The following LCP1 variants were observed in gnomAD, a reference collection of about 807,000 sequenced individuals.
The protein encoded by LCP1 is plastin-2.
LCP1 carries 23 observed loss-of-function variants against 72.0 expected under a neutral mutation model. The ratio of observed to expected loss-of-function variants is 0.32; its 90% confidence interval spans 0.23 to 0.45. The LOEUF is 0.45. LCP1 is among the 20% of genes least tolerant of loss of function. The pLI, the probability that LCP1 is intolerant of heterozygous loss-of-function variation, is 1.00. For synonymous variants in LCP1, 245 were observed against 275.4 expected (o/e 0.89, Z 1.09); for missense variants, 571 against 748.3 (o/e 0.76, Z 2.76).
chr13:46,165,807 C>A (rs1566444815), intron 1 of LCP1, among the ~76,000 whole-genome samples: 1 of 152,166 alleles, frequency 6.6e-6, no homozygotes, highest in Non-Finnish European at 1.5e-5. Flanking sequence ...ACAACTCATT[C>A]ATCAAGGTCA....
rs530437514 is a variant in LCP1, at chr13:46,169,252, A to G, written c.-24-9566T>C. ...TAAGAACAATCCCCCAAGATTTCAA[A>G]TGTCTTACGAATATAATTTCATGTA... On this transcript the variant is annotated intron_variant, in intron 1 of 15. Coordinates refer to ENST00000323076, the MANE Select transcript of LCP1 (RefSeq NM_002298.5). 2.0e-5 allele frequency among the ~76,000 whole-genome samples: 3 copies of G among 152,332 alleles called. No individual in the cohort carries two copies. The South Asian group carries it at 6.2e-4, about 32-fold the overall frequency.
At chr13:46,148,582 A>ATT (rs1566438520) in intron 8 of LCP1, 135 bp from the exon 9 acceptor site, 38 of 647,614 alleles carry the variant, frequency 5.9e-5, no homozygotes, top group African/African-American at 5.8e-4. Context: ...ACAAAGCTAG[A>ATT]AACATTCACT....
At position 46,127,397 on chromosome 13, in the gene LCP1, T is replaced by A; in HGVS notation, c.*194A>T. On this transcript the variant is annotated 3_prime_UTR_variant, in exon 16 of 16. Coordinates refer to ENST00000323076, the MANE Select transcript of LCP1 (RefSeq NM_002298.5). ...AGAATAGAAACCTATATATAGGAGG[T>A]TGGGCCTCCTGCAAAGAATGAAGCA... The A allele has an allele frequency of 1.8e-6, 1 of 564,038 alleles. No individual in the cohort carries two copies. Among genetic ancestry groups the A allele is most frequent in the South Asian group, 2.7e-5 (1 of 37,120 alleles). The allele number at this position is 564,038 out of a possible 1,614,324, so 34.9% of individuals were successfully genotyped here.
intron 8 of LCP1, among the ~76,000 whole-genome samples, chr13:46,149,460 G>C (rs1031633080): frequency 6.6e-6 from 1 of 152,180 alleles, no homozygotes; most frequent in African/African-American, 2.4e-5. Flanking sequence ...TGCCTGCCCT[G>C]GGTTACATCT....
At chr13:46,144,196 G>C (rs2045715974) in intron 11 of LCP1, among the ~76,000 whole-genome samples, 2 of 152,180 alleles carry the variant, frequency 1.3e-5, no homozygotes, top group Admixed American at 1.3e-4. Context: ...GATCACTTAT[G>C]ACATATAGTA....
At chr13:46,131,530 T>A (rs2045634058) in intron 14 of LCP1, among the ~76,000 whole-genome samples, 1 of 152,166 alleles carries the variant, frequency 6.6e-6, no homozygotes, top group Non-Finnish European at 1.5e-5. Context: ...AAATAAATTA[T>A]TCTTCCAAAA....
intron 7 of LCP1, 112 bp downstream of exon 7, chr13:46,152,668 T>A: frequency 1.9e-6 from 2 of 1,050,820 alleles, no homozygotes; most frequent in Non-Finnish European, 2.7e-6. Context: ...GGAATCAATA[T>A]AACTGTGTAG....
intron 1 of LCP1, among the ~76,000 whole-genome samples, chr13:46,175,271 C>A (rs9567634): frequency 0.13 from 19,872 of 152,066 alleles, 1,572 homozygotes; most frequent in South Asian, 0.17. Context: ...CCATATCTAC[C>A]TAGACGACAA....
intron 10 of LCP1, among the ~76,000 whole-genome samples, chr13:46,145,136 A>G (rs7337029): frequency 0.087 from 13,296 of 152,248 alleles, 1,183 homozygotes; most frequent in African/African-American, 0.23. Flanking sequence ...CCTATCTGGA[A>G]GAAGGATTCA....
chr13:46,138,314 G>A (rs933712774), intron 13 of LCP1, among the ~76,000 whole-genome samples: 8 of 152,160 alleles, frequency 5.3e-5, no homozygotes, highest in Non-Finnish European at 8.8e-5. Context: ...AGAACCAGCT[G>A]TAAATTTAAT....
intron 13 of LCP1, among the ~76,000 whole-genome samples, chr13:46,135,609 C>A (rs1170469045): frequency 6.6e-6 from 1 of 152,172 alleles, no homozygotes; most frequent in Non-Finnish European, 1.5e-5. Context: ...TTTTCTTTAT[C>A]AAAATTCACA....
At chr13:46,177,249 A>T (rs886849505) in intron 1 of LCP1, among the ~76,000 whole-genome samples, 1 of 152,238 alleles carries the variant, frequency 6.6e-6, no homozygotes, top group Non-Finnish European at 1.5e-5. Context: ...ACAATCATAG[A>T]TATGTGTACT....
rs865821154 is a variant in LCP1, at chr13:46,162,154, T to G, written c.-24-2468A>C. Among the ~76,000 whole-genome samples, 46 of 152,134 alleles carry G rather than the reference T, an allele frequency of 3.0e-4. No individual in the cohort carries two copies. In the Middle Eastern group the frequency reaches 0.01, roughly 34 times the overall value. On this transcript the variant is annotated intron_variant, in intron 1 of 15. Transcript: ENST00000323076. ...TCCAATCCCCAAGTCTTTTCTCCTC[T>G]CCCAGGCTGTCTACTCGGGTTCTCT...
At chr13:46,128,111 G>GATTACA (rs2045610987) in intron 15 of LCP1, among the ~76,000 whole-genome samples, 2 of 151,394 alleles carry the variant, frequency 1.3e-5, no homozygotes, top group East Asian at 3.9e-4. Context: ...AAAGCACTGG[G>GATTACA]ATTACAGGTG....
chr13:46,141,916 T>C (rs1659193217), intron 13 of LCP1, among the ~76,000 whole-genome samples: 1 of 152,176 alleles, frequency 6.6e-6, no homozygotes. Context: ...TAGGCCATGC[T>C]AACCACTAAT....
chr13:46,155,433 G>A (rs1335465521), intron 5 of LCP1, among the ~76,000 whole-genome samples: 6 of 152,160 alleles, frequency 3.9e-5, no homozygotes, highest in Non-Finnish European at 8.8e-5. Context: ...GGAAGACCAT[G>A]GGGTGCCTTG....
In LCP1 at chr13:46,154,789, C is replaced by T. The variant is rs2296122; in HGVS notation, c.573+16G>A. Reference sequence around the variant, plus strand: ...CCAAACAAATCCTGTATTATGGTAACGGTGGGAAGACATACCTGAATGGTG... The same window carrying T: ...CCAAACAAATCCTGTATTATGGTAATGGTGGGAAGACATACCTGAATGGTG... On this transcript the variant is annotated intron_variant, in intron 6 of 15. Transcript: ENST00000323076. 0.49 allele frequency: 780,534 copies of T among 1,596,050 alleles called. 193,539 individuals carry two copies. The highest frequency in any genetic ancestry group is 0.63 in the South Asian group (57,346 of 90,616).
At chr13:46,146,144 CT>C (rs908923445) in intron 10 of LCP1, among the ~76,000 whole-genome samples, 1 of 152,136 alleles carries the variant, frequency 6.6e-6, no homozygotes. Flanking sequence ...ACACAACCCC[CT>C]GACCATAATT....
chr13:46,167,827 A>G (rs2045884974), intron 1 of LCP1, among the ~76,000 whole-genome samples: 1 of 152,206 alleles, frequency 6.6e-6, no homozygotes, highest in Non-Finnish European at 1.5e-5. Flanking sequence ...TCAGGCATGA[A>G]GCCCACAGTT....
Sources: allele counts gnomAD v4.1 joint callset (sites outside exome capture counted in the v4.1 genomes callset), GRCh38; gene constraint gnomAD v4.1.1; transcripts MANE v1.5; gene names NCBI Gene and HGNC (gene_info 2026-07-23, HGNC 2026-07-21).